The following BCHE variants were observed in gnomAD, a reference collection of about 807,000 sequenced individuals.
BCHE encodes cholinesterase.
Under a neutral mutation model 51.3 loss-of-function variants are expected in BCHE, and 48 were observed. That is an observed-to-expected ratio of 0.94 (90% CI 0.74 to 1.19). The LOEUF (loss-of-function observed/expected upper bound fraction) is 1.19. Among genes scored for constraint, BCHE ranks in the 50% most tolerant of loss-of-function variants. BCHE has a pLI of 0.00. For missense variants in BCHE, 847 were observed against 708.2 expected (o/e 1.20, Z -2.23); for synonymous variants, 251 against 238.0 (o/e 1.05, Z -0.50).
chr3:165,788,014 A>C (rs1284774265), intron 2 of BCHE, among the ~76,000 whole-genome samples: 1 of 152,050 alleles, frequency 6.6e-6, no homozygotes, highest in African/African-American at 2.4e-5. Flanking sequence ...ACTCTGGTTG[A>C]AATTTTCTAA....
intron 2 of BCHE, among the ~76,000 whole-genome samples, chr3:165,820,356 AT>A (rs748783811): frequency 1.2e-4 from 18 of 151,970 alleles, no homozygotes; most frequent in East Asian, 7.7e-4. Context: ...ATGGGTATCC[AT>A]TTTTTTTAAA....
At chr3:165,797,149 CCTCCTTCCTTCT>C (rs1713415255) in intron 2 of BCHE, among the ~76,000 whole-genome samples, 1 of 137,876 alleles carries the variant, frequency 7.3e-6, no homozygotes, top group Non-Finnish European at 1.6e-5. Context: ...TCCCTCCTTC[CCTCCTTCCTTCT>C]TCCCTCCCTT....
intron 2 of BCHE, among the ~76,000 whole-genome samples, chr3:165,788,106 C>T (rs1007748649): frequency 8.3e-5 from 6 of 72,376 alleles, no homozygotes; most frequent in Admixed American, 1.8e-4. Flanking sequence ...TAGTATGAGC[C>T]GATCTAAGTT....
chr3:165,799,055 CAT>C (rs1398732590), intron 2 of BCHE, among the ~76,000 whole-genome samples: 1 of 152,114 alleles, frequency 6.6e-6, no homozygotes, highest in Non-Finnish European at 1.5e-5. Context: ...TTATTCAAAA[CAT>C]ATCTATATCA....
At chr3:165,818,276 C>T (rs1304645931) in intron 2 of BCHE, among the ~76,000 whole-genome samples, 1 of 151,498 alleles carries the variant, frequency 6.6e-6, no homozygotes, top group African/African-American at 2.4e-5. Context: ...TATAAAATGT[C>T]ATTTTGGATA....
intron 2 of BCHE, among the ~76,000 whole-genome samples, chr3:165,806,697 A>G (rs1338381849): frequency 6.6e-6 from 1 of 152,174 alleles, no homozygotes; most frequent in Non-Finnish European, 1.5e-5. Flanking sequence ...AGGGATTAGA[A>G]TCAGATACAC....
chr3:165,814,482 C>T (rs1294572970), intron 2 of BCHE, among the ~76,000 whole-genome samples: 1 of 151,998 alleles, frequency 6.6e-6, no homozygotes, highest in African/African-American at 2.4e-5. Flanking sequence ...GATGTTAATC[C>T]TTACTTTCCT....
chr3:165,783,541 AT>A (rs1712797729), intron 3 of BCHE, among the ~76,000 whole-genome samples: 1 of 152,078 alleles, frequency 6.6e-6, no homozygotes, highest in African/African-American at 2.4e-5. Flanking sequence ...GTAGTAAATG[AT>A]TTTCAAAGTA....
At chr3:165,800,872 G>A (rs948939267) in intron 2 of BCHE, among the ~76,000 whole-genome samples, 2 of 151,990 alleles carry the variant, frequency 1.3e-5, no homozygotes, top group South Asian at 2.1e-4. Flanking sequence ...TTTAATGATT[G>A]GAGATTAATA....
intron 2 of BCHE, among the ~76,000 whole-genome samples, chr3:165,823,237 A>C (rs1277457831): frequency 6.6e-6 from 1 of 152,132 alleles, no homozygotes; most frequent in Non-Finnish European, 1.5e-5. Context: ...TTTTATTAAG[A>C]AATCAAATTT....
At chr3:165,786,089 C>T in intron 3 of BCHE, 56 bp downstream of exon 3, 2 of 1,556,054 alleles carry the variant, frequency 1.3e-6, no homozygotes, top group Admixed American at 1.7e-5. Context: ...ATACTTCATC[C>T]CTTTTTTACA....
At chr3:165,785,913 A>G (rs1402366455) in intron 3 of BCHE, among the ~76,000 whole-genome samples, 2 of 151,652 alleles carry the variant, frequency 1.3e-5, no homozygotes, top group African/African-American at 2.4e-5. Flanking sequence ...TGAAATCTAT[A>G]TTTTAGTTTT....
In BCHE at chr3:165,830,411, T is replaced by C. The variant is rs1394612957; in HGVS notation, c.623A>G (p.Lys208Arg). Reference protein sequence around the residue: ...DQQLALQWVQKNIAAFGGNPK... With the variant: ...DQQLALQWVQRNIAAFGGNPK... ...ATTTCCACCAAAGGCTGCTATATTT[T>C]TTTGAACCCACTGAAGAGCCAACTG... The change falls in exon 2 of 4, where the codon AAA (lysine) becomes AGA (arginine). Residue 208 changes from lysine to arginine, a missense_variant. By Grantham distance (26) the Lys-to-Arg change is conservative. Transcript: ENST00000264381. 1.2e-6 allele frequency: 2 copies of C among 1,613,954 alleles called. No homozygotes were observed. Among genetic ancestry groups the C allele is most frequent in the South Asian group, 2.2e-5 (2 of 91,078 alleles).
chr3:165,810,568 T>C (rs1375074331), intron 2 of BCHE, among the ~76,000 whole-genome samples: 1 of 152,104 alleles, frequency 6.6e-6, no homozygotes, highest in Non-Finnish European at 1.5e-5. Flanking sequence ...GCCAGCCAAA[T>C]CATCTACTAA....
At chr3:165,803,540 AT>A (rs1211803688) in intron 2 of BCHE, among the ~76,000 whole-genome samples, 1 of 152,212 alleles carries the variant, frequency 6.6e-6, no homozygotes, top group African/African-American at 2.4e-5. Context: ...CCCAGACTAT[AT>A]TTCTTACTAT....
Position 165,773,099 on chromosome 3 carries a change from A to T in BCHE, c.*283T>A, listed in dbSNP as rs915705995. On this transcript the variant is annotated 3_prime_UTR_variant, in exon 4 of 4. Coordinates refer to ENST00000264381, the MANE Select transcript of BCHE (RefSeq NM_000055.4). ...GATAATTTTGGGGGGAAAAACTTAA[A>T]TTTATTAAGGAAAGAAAGAAATTGA... 2.3e-5 allele frequency: 6 copies of T among 258,894 alleles called. No individual in the cohort carries two copies. Among genetic ancestry groups the T allele is most frequent in the African/African-American group, 1.1e-4 (5 of 44,300 alleles). The allele number at this position is 258,894 out of a possible 1,614,324, so 16.0% of individuals were successfully genotyped here.
intron 2 of BCHE, among the ~76,000 whole-genome samples, chr3:165,802,866 T>C (rs1713719587): frequency 3.3e-5 from 5 of 151,952 alleles, no homozygotes; most frequent in African/African-American, 1.2e-4. Flanking sequence ...CTCACCCTCC[T>C]GAGTAGCTGG....
intron 2 of BCHE, among the ~76,000 whole-genome samples, chr3:165,822,324 A>T (rs999139541): frequency 6.6e-6 from 1 of 152,066 alleles, no homozygotes; most frequent in African/African-American, 2.4e-5. Context: ...GTTTTGAGTC[A>T]GGAAATTAAA....
At chr3:165,791,627 G>A (rs1354281538) in intron 2 of BCHE, among the ~76,000 whole-genome samples, 1 of 152,118 alleles carries the variant, frequency 6.6e-6, no homozygotes, top group Non-Finnish European at 1.5e-5. Flanking sequence ...AGATAGGAAA[G>A]ACTGCAAGAA....
Sources: allele counts gnomAD v4.1 joint callset (sites outside exome capture counted in the v4.1 genomes callset), GRCh38; gene constraint gnomAD v4.1.1; transcripts MANE v1.5; gene names NCBI Gene and HGNC (gene_info 2026-07-23, HGNC 2026-07-21).